The following SVOP variants were observed in gnomAD, a reference collection of about 807,000 sequenced individuals.
SVOP encodes the protein synaptic vesicle 2-related protein.
A neutral mutation model predicts 69.1 loss-of-function variants in SVOP; 17 were observed. The ratio of observed to expected loss-of-function variants is 0.25; its 90% CI spans 0.17 to 0.37. SVOP has a LOEUF of 0.37. Among genes scored for constraint, SVOP ranks in the 10% least tolerant of loss-of-function variants. SVOP has a pLI of 1.00. For synonymous variants in SVOP, 238 were observed against 238.6 expected (o/e 1.00, Z 0.02); for missense variants, 435 against 597.5 (o/e 0.73, Z 2.84).
chr12:108,916,714 C>G (rs527612206), intron 14 of SVOP, among the ~76,000 whole-genome samples: 16 of 152,290 alleles, frequency 1.1e-4, no homozygotes, highest in African/African-American at 3.9e-4. Context: ...CTAGAACACC[C>G]ATATTGGACT....
chr12:108,991,381 C>T (rs982965758), intron 1 of SVOP, among the ~76,000 whole-genome samples: 2 of 152,032 alleles, frequency 1.3e-5, no homozygotes, highest in Admixed American at 1.3e-4. Context: ...AGGAGGATTG[C>T]TTGAGACCAG....
chr12:109,019,654 G>T (rs906705229), intron 1 of SVOP, among the ~76,000 whole-genome samples: 1 of 151,968 alleles, frequency 6.6e-6, no homozygotes, highest in Non-Finnish European at 1.5e-5. Flanking sequence ...ACATCCTCTA[G>T]CATTTGTGAA....
intron 13 of SVOP, among the ~76,000 whole-genome samples, chr12:108,918,601 G>A (rs2039728707): frequency 6.6e-6 from 1 of 152,180 alleles, no homozygotes; most frequent in Non-Finnish European, 1.5e-5. Flanking sequence ...CAGACCAGGA[G>A]GTGGCCCACA....
intron 1 of SVOP, among the ~76,000 whole-genome samples, chr12:109,018,252 G>T (rs1593212678): frequency 6.6e-6 from 1 of 152,204 alleles, no homozygotes; most frequent in Non-Finnish European, 1.5e-5. Context: ...CAAACTCTCA[G>T]CCTCCCAAAT....
intron 4 of SVOP, among the ~76,000 whole-genome samples, chr12:108,973,043 A>T (rs1364408533): frequency 1.3e-5 from 2 of 152,168 alleles, no homozygotes; most frequent in Non-Finnish European, 2.9e-5. Context: ...GATAGATTAG[A>T]AACCTGCTCC....
chr12:108,954,497 G>C (rs1414789621), intron 6 of SVOP, among the ~76,000 whole-genome samples: 2 of 152,146 alleles, frequency 1.3e-5, no homozygotes, highest in African/African-American at 2.4e-5. Context: ...GGCCCTCCTA[G>C]CTCCTCTATG....
intron 2 of SVOP, 58 bp from the exon 3 acceptor site, chr12:108,978,721 G>C: frequency 1.4e-6 from 1 of 694,454 alleles, no homozygotes; most frequent in South Asian, 1.5e-5. Context: ...AGTTGTCCTA[G>C]TGTGGGGTTT....
intron 5 of SVOP, among the ~76,000 whole-genome samples, chr12:108,967,608 A>G (rs2040053233): frequency 6.6e-6 from 1 of 152,200 alleles, no homozygotes; most frequent in South Asian, 2.1e-4. Flanking sequence ...CAACTTGGCG[A>G]TATTGTTTGC....
At position 108,908,523 on chromosome 12, in the gene SVOP, G is replaced by A. The variant is rs1322261387; in HGVS notation, c.*4012C>T. On this transcript the variant is annotated 3_prime_UTR_variant, in exon 16 of 16. Transcript: ENST00000610966. ...ATGGTGGAACAACATCAGCTGGAAG[G>A]GAGTTGCAGCCCCCCCCTGCAGACA... The A allele has an allele frequency of 6.6e-6, 1 of 151,886 alleles. No individual in the cohort carries two copies. Among genetic ancestry groups the A allele is most frequent in the Non-Finnish European group, 1.5e-5 (1 of 67,882 alleles). The allele number at this position is 151,886 out of a possible 1,614,324, so 9.4% of individuals were successfully genotyped here.
intron 1 of SVOP, among the ~76,000 whole-genome samples, chr12:108,988,753 T>TC (rs1566063589): frequency 7.0e-6 from 1 of 143,008 alleles, no homozygotes; most frequent in Non-Finnish European, 1.5e-5. Context: ...TTTCTTCCTT[T>TC]CTTACTTCTT....
At chr12:108,938,349 G>A (rs1036027224) in intron 9 of SVOP, among the ~76,000 whole-genome samples, 2 of 152,282 alleles carry the variant, frequency 1.3e-5, no homozygotes, top group Non-Finnish European at 1.5e-5. Context: ...AAGTTTCACC[G>A]TGGTGGACTC....
intron 5 of SVOP, among the ~76,000 whole-genome samples, chr12:108,968,216 T>C (rs1347088827): frequency 1.3e-5 from 2 of 152,242 alleles, no homozygotes; most frequent in Non-Finnish European, 2.9e-5. Flanking sequence ...GAAGTATTTA[T>C]TGAGTGTGCA....
chr12:108,950,165 A>G (rs988974687), intron 6 of SVOP, among the ~76,000 whole-genome samples: 1 of 147,566 alleles, frequency 6.8e-6, no homozygotes, highest in African/African-American at 2.5e-5. Context: ...CTGGGCTCAA[A>G]GATTCTCCTG....
Position 108,912,620 on chromosome 12 carries a change from C to G in SVOP, c.1562G>C (p.Ser521Thr). Residue 521 changes from serine to threonine, a missense_variant, in exon 16 of 16, where the codon AGC (serine) becomes ACC (threonine). By Grantham distance (58) the Ser-to-Thr change is moderately conservative (BLOSUM62 1). Transcript: ENST00000610966. ...ETKGRGLQES[S>T]HREWGQEMVG... ...CATCTCCTGGCCCCACTCCCGGTGG[C>G]TGGACTCCTGCAGTCCTCGGCCTTT... 1 of 1,614,018 alleles carries G rather than the reference C, an allele frequency of 6.2e-7. No homozygotes were observed. Among genetic ancestry groups the G allele is most frequent in the Non-Finnish European group, 8.5e-7 (1 of 1,179,890 alleles).
At chr12:108,927,398 G>A (rs530581282) in intron 11 of SVOP, among the ~76,000 whole-genome samples, 4 of 152,186 alleles carry the variant, frequency 2.6e-5, no homozygotes, top group South Asian at 2.1e-4. Flanking sequence ...ATATTTGTAC[G>A]AGAGGCATGA....
chr12:108,977,999 C>T (rs1315981924), intron 3 of SVOP, among the ~76,000 whole-genome samples: 1 of 151,970 alleles, frequency 6.6e-6, no homozygotes, highest in Non-Finnish European at 1.5e-5. Flanking sequence ...ACTAGACAGA[C>T]TAGGACAGAC....
intron 15 of SVOP, among the ~76,000 whole-genome samples, chr12:108,914,552 G>A (rs755368591): frequency 2.6e-5 from 4 of 151,894 alleles, no homozygotes; most frequent in South Asian, 2.1e-4. Flanking sequence ...AAATTTTGTC[G>A]GCATACTTGT....
intron 7 of SVOP, among the ~76,000 whole-genome samples, chr12:108,943,500 G>A (rs559930831): frequency 1.3e-5 from 2 of 151,854 alleles, no homozygotes; most frequent in South Asian, 2.1e-4. Flanking sequence ...TCAGGAGGCC[G>A]AGGCAGAGAA....
chr12:108,977,529 G>T, intron 3 of SVOP, 33 bp from the exon 4 acceptor site: 1 of 1,452,682 alleles, frequency 6.9e-7, no homozygotes, highest in Non-Finnish European at 9.3e-7. Context: ...ATGAGGCCAG[G>T]ATGCTGCTTG....
Sources: gnomAD v4.1 joint callset for allele counts (sites outside exome capture counted in the v4.1 genomes callset) on GRCh38, gnomAD v4.1.1 for gene constraint, MANE v1.5 for transcripts, NCBI Gene and HGNC (gene_info 2026-07-23, HGNC 2026-07-21) for gene names.